The following FBXO31 variants were observed in gnomAD, a reference collection of about 807,000 sequenced individuals.
FBXO31 encodes the protein F-box protein 31, also known as F-box only protein 31.
In FBXO31, 24 loss-of-function variants were observed where a neutral mutation model predicts 54.4. The observed-to-expected ratio is 0.44, with a 90% CI of 0.32 to 0.62. The LOEUF (loss-of-function observed/expected upper bound fraction) is 0.62. FBXO31 is among the 20% of genes least tolerant of loss of function. The pLI is 0.05. For synonymous variants in FBXO31, 388 were observed against 335.6 expected (o/e 1.16, Z -1.71); for missense variants, 665 against 787.1 (o/e 0.84, Z 1.86).
At chr16:87,380,722 TC>T (rs1403616210) in intron 1 of FBXO31, among the ~76,000 whole-genome samples, 3 of 152,234 alleles carry the variant, frequency 2.0e-5, no homozygotes, top group Non-Finnish European at 4.4e-5. Flanking sequence ...ATGCTTTCAT[TC>T]TACATCACGG....
rs1369869284 is a variant in FBXO31 at position 87,343,483 on chromosome 16, C to T, written c.657+115G>A. On this transcript the variant is annotated intron_variant, in intron 4 of 8. Coordinates refer to ENST00000311635, the MANE Select transcript of FBXO31 (RefSeq NM_024735.5). ...AGGGCAGGGCGGAGCCTCCCTCCCA[C>T]CCGCCGATCTGCTACAGCCCAGGTC... The T allele has an allele frequency of 3.1e-6, 4 of 1,305,052 alleles. No homozygotes were observed. The East Asian group carries it at 1.0e-4, about 33-fold the overall frequency. 80.8% of individuals were successfully genotyped at this position (1,305,052 alleles called of 1,614,324 possible).
Position 87,334,191 on chromosome 16 carries a change from A to G in FBXO31, c.1092T>C (p.Asn364=), listed in dbSNP as rs1214844702. Residue 364 remains asparagine (N), a synonymous_variant, in exon 8 of 9, where the codon AAT becomes AAC. Transcript: ENST00000311635. ...CCTCCAGGACGATGCGGGAGAGCTC[A>G]TTGAAGTTGCGCTGGTTCTCGAGGT... ...LPDLENQRNF[N]ELSRIVLEVR... The G allele has an allele frequency of 1.2e-6, 2 of 1,612,680 alleles. No homozygotes were observed. The highest frequency in any genetic ancestry group is 2.2e-5 in the East Asian group (1 of 44,848).
chr16:87,391,046 T>C (rs951178872), upstream of FBXO31, among the ~76,000 whole-genome samples: 2 of 152,196 alleles, frequency 1.3e-5, no homozygotes, highest in Admixed American at 1.3e-4. Flanking sequence ...GTATTAGATG[T>C]TAAAGAACAA....
In FBXO31 at chr16:87,331,128, T is replaced by A. The variant is rs1411069644; in HGVS notation, c.*160A>T. On this transcript the variant is annotated 3_prime_UTR_variant, in exon 9 of 9. Coordinates refer to ENST00000311635, the MANE Select transcript of FBXO31 (RefSeq NM_024735.5). ...ACAAATATGCAGGTCTATGTCACAC[T>A]CTCTACATAAAGTGCTGGGGGGTGG... The A allele has an allele frequency of 4.7e-6, 3 of 638,310 alleles. No individual in the cohort carries two copies. The highest frequency in any genetic ancestry group is 5.5e-6 in the Non-Finnish European group (2 of 363,052). 39.5% of individuals were successfully genotyped at this position (638,310 alleles called of 1,614,324 possible). A position where few individuals can be genotyped will look rare whatever the true frequency, so the allele number is the denominator to read the frequency against.
At position 87,346,327 on chromosome 16, in the gene FBXO31, G is replaced by A. The variant is rs1455473764; in HGVS notation, c.489+847C>T. On this transcript the variant is annotated intron_variant, in intron 3 of 8. Coordinates refer to ENST00000311635, the MANE Select transcript of FBXO31 (RefSeq NM_024735.5). The surrounding 1 kb of genome is among the most constrained non-coding windows in gnomAD (Gnocchi z 4.2). ...TGCCCAGGCGCACAGTGAGGGGTGG[G>A]GGGCATCCAACACGCCTGGAGATCA... 6.6e-6 allele frequency among the ~76,000 whole-genome samples: 1 copy of A among 152,208 alleles called. No homozygotes were observed. Among genetic ancestry groups the A allele is most frequent in the Non-Finnish European group, 1.5e-5 (1 of 68,036 alleles).
chr16:87,332,194 G>T (rs1239445468), intron 8 of FBXO31, among the ~76,000 whole-genome samples: 1 of 152,234 alleles, frequency 6.6e-6, no homozygotes, highest in Non-Finnish European at 1.5e-5. Flanking sequence ...CTCAAGCTCG[G>T]GGAGAAGTTC....
chr16:87,356,018 C>G (rs1905874656), intron 2 of FBXO31, among the ~76,000 whole-genome samples: 1 of 152,142 alleles, frequency 6.6e-6, no homozygotes, highest in African/African-American at 2.4e-5. Context: ...CACCTGAGGT[C>G]AGGAGTTCAA....
intron 1 of FBXO31, among the ~76,000 whole-genome samples, chr16:87,362,869 T>C (rs1906197199): frequency 1.3e-5 from 2 of 152,090 alleles, no homozygotes; most frequent in Admixed American, 1.3e-4. Flanking sequence ...AGTTTAAACA[T>C]TTATTTATCA....
rs1905358540 is a variant in FBXO31, at chr16:87,345,779, GGCCTTCTCCC to G, written c.489+1385_489+1394del. ...GGACAGGCTGAGAGGCGAGGGGCAG[GGCCTTCTCCC>G]CCCTTCCTGAGGCCACTGACCACTG... On this transcript the variant is annotated intron_variant, in intron 3 of 8. Coordinates refer to ENST00000311635, the MANE Select transcript of FBXO31 (RefSeq NM_024735.5). This position sits in a 1 kb window ranked among gnomAD's most constrained non-coding sequence, Gnocchi z 4.9. Among the ~76,000 whole-genome samples the G allele has an allele frequency of 6.6e-6, 1 of 152,224 alleles. No homozygotes were observed. The highest frequency in any genetic ancestry group is 2.1e-4 in the South Asian group (1 of 4,838).
At chr16:87,365,694 A>T (rs745474967) in intron 1 of FBXO31, among the ~76,000 whole-genome samples, 5 of 152,222 alleles carry the variant, frequency 3.3e-5, no homozygotes, top group Non-Finnish European at 7.3e-5. Context: ...TGAGCAAAAT[A>T]CACTTTTCTC....
chr16:87,340,731 T>C (rs1387085323), intron 5 of FBXO31, among the ~76,000 whole-genome samples: 2 of 152,018 alleles, frequency 1.3e-5, no homozygotes, highest in Non-Finnish European at 2.9e-5. Context: ...GCCAAGGCGG[T>C]AAGATCACTC....
At chr16:87,369,563 T>A (rs575074972) in intron 1 of FBXO31, among the ~76,000 whole-genome samples, 1 of 152,246 alleles carries the variant, frequency 6.6e-6, no homozygotes, top group South Asian at 2.1e-4. Flanking sequence ...GCTGTGTTCA[T>A]CCGTTTATTC....
chr16:87,333,885 C>T lies in FBXO31; in HGVS notation c.1397+1G>A. The T allele has an allele frequency of 6.3e-7, 1 of 1,596,686 alleles. No homozygotes were observed. Among genetic ancestry groups the T allele is most frequent in the Non-Finnish European group, 8.5e-7 (1 of 1,169,740 alleles). On this transcript the variant is annotated splice_donor_variant, in intron 8 of 8. Coordinates refer to ENST00000311635, the MANE Select transcript of FBXO31 (RefSeq NM_024735.5). LOFTEE classifies it high-confidence loss of function. ...GGCCCCAGTACCCGCCGCATCCTTACCACATCCTGCAGGTTCGGGGGTAGT... is the reference window on the plus strand; with the variant it reads ...GGCCCCAGTACCCGCCGCATCCTTATCACATCCTGCAGGTTCGGGGGTAGT...
intron 1 of FBXO31, among the ~76,000 whole-genome samples, chr16:87,362,148 C>T (rs1280133450): frequency 6.6e-6 from 1 of 151,906 alleles, no homozygotes. Flanking sequence ...CCGGGGCTGC[C>T]CTGATGGAAA....
chr16:87,361,418 G>A (rs1567480783), intron 1 of FBXO31, among the ~76,000 whole-genome samples: 1 of 152,208 alleles, frequency 6.6e-6, no homozygotes, highest in East Asian at 1.9e-4. Context: ...CGAGGTGGCT[G>A]GGTCTCCACA....
chr16:87,343,246 G>A (rs1056802369), intron 4 of FBXO31, among the ~76,000 whole-genome samples: 4 of 152,246 alleles, frequency 2.6e-5, no homozygotes, highest in East Asian at 1.9e-4. Flanking sequence ...CAGATGACAC[G>A]CTGTGCTCAC....
Position 87,383,679 on chromosome 16 carries a change from G to C in FBXO31, c.66C>G (p.Arg22=). The change falls in exon 1 of 9, where the codon CGC becomes CGG. Residue 22 remains arginine, a synonymous_variant. Transcript: ENST00000311635. This position sits in a 1 kb window ranked among gnomAD's most constrained non-coding sequence, Gnocchi z 4.9. ...PSRGCRRRQQ[R]RGPAETAAAD... is the part of the protein sequence containing the mutation. ...CCGCCGCCGTCTCGGCCGGGCCCCG[G>C]CGCTGCTGGCGGCGCCGACATCCGC... 1 of 1,283,806 alleles carries C rather than the reference G, an allele frequency of 7.8e-7. No homozygotes were observed. 79.5% of individuals were successfully genotyped at this position (1,283,806 alleles called of 1,614,324 possible).
intron 2 of FBXO31, among the ~76,000 whole-genome samples, chr16:87,347,558 T>C (rs1380578926): frequency 6.6e-6 from 1 of 151,820 alleles, no homozygotes; most frequent in Non-Finnish European, 1.5e-5. Flanking sequence ...CGGGTGCCTG[T>C]AGTCCCAGCT....
At chr16:87,357,327 CTTT>C (rs34678078) in intron 2 of FBXO31, among the ~76,000 whole-genome samples, 3 of 123,390 alleles carry the variant, frequency 2.4e-5, no homozygotes, top group South Asian at 2.7e-4. Context: ...GAATTCGGTT[CTTT>C]TTTTTTTTTT....
Sources: allele counts gnomAD v4.1 joint callset (sites outside exome capture counted in the v4.1 genomes callset), GRCh38; gene constraint gnomAD v4.1.1; non-coding constraint Gnocchi (gnomAD v3.1); transcripts MANE v1.5; gene names NCBI Gene and HGNC (gene_info 2026-07-23, HGNC 2026-07-21).